Variants in CSMD1 observed in about 807,000 individuals in gnomAD.
The protein encoded by CSMD1 is CUB and Sushi multiple domains 1, also known as CUB and sushi domain-containing protein 1.
Under a neutral mutation model 417.5 loss-of-function variants are expected in CSMD1, and 213 were observed. That is an observed-to-expected ratio of 0.51 (90% CI 0.46 to 0.57). The LOEUF (loss-of-function observed/expected upper bound fraction) is 0.57. CSMD1 is among the 20% of genes least tolerant of loss of function. CSMD1 has a pLI of 0.00. For synonymous variants in CSMD1, 2,862 were observed against 1,736.8 expected (o/e 1.65, Z -16.11); for missense variants, 6,923 against 4,529.7 (o/e 1.53, Z -15.17).
At chr8:3,453,689 A>G (rs1034144923) in intron 12 of CSMD1, among the ~76,000 whole-genome samples, 2 of 152,140 alleles carry the variant, frequency 1.3e-5, no homozygotes, top group Non-Finnish European at 2.9e-5. Flanking sequence ...GTTTGTTATA[A>G]TTTCTGTACT....
chr8:4,559,462 C>T (rs1283432384), intron 2 of CSMD1, among the ~76,000 whole-genome samples: 1 of 152,006 alleles, frequency 6.6e-6, no homozygotes, highest in Non-Finnish European at 1.5e-5. Context: ...AATATATAAC[C>T]ATGGAGTAGA....
intron 37 of CSMD1, among the ~76,000 whole-genome samples, chr8:3,180,459 G>T (rs935768150): frequency 1.2e-4 from 18 of 152,132 alleles, no homozygotes; most frequent in Non-Finnish European, 2.9e-5. Flanking sequence ...ACCTTCTGGG[G>T]AATGCTAATA....
At chr8:3,314,244 TA>T (rs1472151677) in intron 23 of CSMD1, among the ~76,000 whole-genome samples, 1 of 151,682 alleles carries the variant, frequency 6.6e-6, no homozygotes, top group African/African-American at 2.4e-5. Flanking sequence ...AAACTTAAAG[TA>T]TAATAAAAAA....
intron 23 of CSMD1, among the ~76,000 whole-genome samples, chr8:3,325,970 A>C (rs948748072): frequency 6.6e-6 from 1 of 152,244 alleles, no homozygotes; most frequent in Non-Finnish European, 1.5e-5. Flanking sequence ...ACCTTGCAGG[A>C]AATTATTCAA....
At chr8:3,563,233 T>C (rs1031381794) in intron 10 of CSMD1, among the ~76,000 whole-genome samples, 1 of 152,022 alleles carries the variant, frequency 6.6e-6, no homozygotes, top group Non-Finnish European at 1.5e-5. Flanking sequence ...TAAAGTGACA[T>C]CTCCGCACAA....
Position 3,224,015 on chromosome 8 carries a change from T to C in CSMD1, c.4346-148A>G, listed in dbSNP as rs578143621. Reference sequence around the variant, plus strand: ...GAGATTGTGTGTTGGTTATCAATTATCCTGATAAAATTGTAAGACCCAGGA... The same window carrying C: ...GAGATTGTGTGTTGGTTATCAATTACCCTGATAAAATTGTAAGACCCAGGA... On this transcript the variant is annotated intron_variant, in intron 27 of 69. Coordinates refer to ENST00000635120, the MANE Select transcript of CSMD1 (RefSeq NM_033225.6). The C allele has an allele frequency of 4.8e-4, 318 of 659,976 alleles. 1 individual carries two copies. The highest frequency in any genetic ancestry group is 6.5e-4 in the Non-Finnish European group (269 of 414,062). 40.9% of individuals were successfully genotyped at this position (659,976 alleles called of 1,614,324 possible). A position where few individuals can be genotyped will look rare whatever the true frequency, so the allele number is the denominator to read the frequency against.
intron 7 of CSMD1, among the ~76,000 whole-genome samples, chr8:3,681,427 C>T (rs1480862895): frequency 6.6e-6 from 1 of 152,116 alleles, no homozygotes; most frequent in Non-Finnish European, 1.5e-5. Context: ...CATGAGTGAA[C>T]TCCCATTGAC....
chr8:4,591,552 A>C (rs746343684), intron 2 of CSMD1, among the ~76,000 whole-genome samples: 4 of 152,162 alleles, frequency 2.6e-5, no homozygotes, highest in Non-Finnish European at 5.9e-5. Flanking sequence ...CACAGAGAGG[A>C]CTGTAGTGCA....
chr8:4,273,648 G>C (rs1374030248), intron 3 of CSMD1, among the ~76,000 whole-genome samples: 1 of 152,120 alleles, frequency 6.6e-6, no homozygotes, highest in Non-Finnish European at 1.5e-5. Context: ...AACTCTAATA[G>C]AGAGCAGTAA....
At chr8:4,760,478 T>C (rs1036034248) in intron 1 of CSMD1, among the ~76,000 whole-genome samples, 1 of 152,182 alleles carries the variant, frequency 6.6e-6, no homozygotes, top group East Asian at 1.9e-4. Context: ...ACTAATCCTG[T>C]GAGAATTAAA....
At chr8:4,350,854 AG>A (rs1279847319) in intron 3 of CSMD1, among the ~76,000 whole-genome samples, 2 of 152,184 alleles carry the variant, frequency 1.3e-5, no homozygotes, top group East Asian at 3.9e-4. Flanking sequence ...ACTATCTGCC[AG>A]TGGCTCTAGT....
chr8:3,632,857 G>C lies in CSMD1; in HGVS notation c.1010-16060C>G, dbSNP rs188196140. Among the ~76,000 whole-genome samples, 89 of 152,306 alleles carry C rather than the reference G, an allele frequency of 5.8e-4. 2 individuals are homozygous for C. The highest frequency in any genetic ancestry group is 1.9e-3 in the African/African-American group (80 of 41,580). On this transcript the variant is annotated intron_variant, in intron 7 of 69. Coordinates refer to ENST00000635120, the MANE Select transcript of CSMD1 (RefSeq NM_033225.6). ...CCTTCAGAGATTATGTTCCTGGTTA[G>C]TGATCCTGTTTTAAGAAGGAAGTTC...
chr8:3,903,878 A>G (rs905882686), intron 5 of CSMD1, among the ~76,000 whole-genome samples: 4 of 149,812 alleles, frequency 2.7e-5, no homozygotes, highest in South Asian at 2.1e-4. Context: ...CCATATATAT[A>G]TATTTTTTTA....
intron 15 of CSMD1, among the ~76,000 whole-genome samples, chr8:3,405,271 C>T (rs13267155): frequency 0.045 from 6,896 of 152,206 alleles, 215 homozygotes; most frequent in Middle Eastern, 0.071. Context: ...TTATTGCGCA[C>T]TGACTATTCT....
intron 3 of CSMD1, among the ~76,000 whole-genome samples, chr8:4,185,629 T>C (rs1029376652): frequency 5.9e-5 from 9 of 152,214 alleles, no homozygotes; most frequent in African/African-American, 1.9e-4. Flanking sequence ...GTTATTTAAA[T>C]AGCTAATGTA....
chr8:4,305,600 A>G (rs558974483), intron 3 of CSMD1, among the ~76,000 whole-genome samples: 15 of 152,322 alleles, frequency 9.8e-5, no homozygotes, highest in African/African-American at 3.6e-4. Context: ...TTAACCTTTC[A>G]ATACAGAATC....
chr8:4,130,955 A>C (rs1431015020), intron 3 of CSMD1, among the ~76,000 whole-genome samples: 2 of 152,106 alleles, frequency 1.3e-5, no homozygotes, highest in African/African-American at 2.4e-5. Flanking sequence ...CTAATCTATA[A>C]AATAGAAAAC....
In CSMD1 at chr8:3,199,737, C is replaced by T. The variant is rs756028139; in HGVS notation, c.5171G>A (p.Arg1724His). The T allele has an allele frequency of 1.5e-5, 24 of 1,587,730 alleles. No homozygotes were observed. Among genetic ancestry groups the T allele is most frequent in the Middle Eastern group, 1.6e-4 (1 of 6,064 alleles). The change falls in exon 33 of 70, where the codon CGC (arginine) becomes CAC (histidine). Residue 1724 changes from arginine to histidine, a missense_variant. Arg to His is a conservative substitution (Grantham distance 29). Transcript: ENST00000635120. The part of the protein sequence containing the change: ...RFSAKSGASA[R>H]GFHFVYQAVP... The stretch of plus-strand genomic sequence containing the variant: ...ACCTTGATACACGAAGTGGAAGCCG[C>T]GGGCAGAGGCACCGCTCTTTGCACT...
In CSMD1 at chr8:4,724,562, G is replaced by GTGTGTT. The variant is rs1225955638; in HGVS notation, c.86-87005_86-87004insAACACA. On this transcript the variant is annotated intron_variant, in intron 1 of 69. Transcript: ENST00000635120. ...TGTGTGTGTGTGTGTGTGTGTGTGT[G>GTGTGTT]TTTATACTCCCAGTGAAATTCTGTT... Among the ~76,000 whole-genome samples the GTGTGTT allele has an allele frequency of 1.8e-3, 261 of 142,028 alleles. 3 individuals carry two copies. The highest frequency in any genetic ancestry group is 6.8e-3 in the African/African-American group (248 of 36,396). 93.2% of individuals were successfully genotyped at this position (142,028 alleles called of 152,430 possible).
Sources: gnomAD v4.1 joint callset for allele counts (sites outside exome capture counted in the v4.1 genomes callset) on GRCh38, gnomAD v4.1.1 for gene constraint, MANE v1.5 for transcripts, NCBI Gene and HGNC (gene_info 2026-07-23, HGNC 2026-07-21) for gene names.